SLC1A7: variants seen among roughly 807,000 people sequenced by gnomAD.
SLC1A7 encodes the protein solute carrier family 1 member 7.
Under a neutral mutation model 47.7 loss-of-function variants are expected in SLC1A7, and 40 were observed. The observed-to-expected ratio is 0.84, with a 90% CI of 0.65 to 1.09. The LOEUF (loss-of-function observed/expected upper bound fraction) is 1.09. SLC1A7 is among the 50% of genes least tolerant of loss of function. The probability of loss-of-function intolerance (pLI) is 0.00; values close to 1 mark genes in which losing one functional copy is unlikely to be tolerated. For synonymous variants in SLC1A7, 323 were observed against 325.6 expected, an observed-to-expected ratio of 0.99 and a Z score of 0.09; for missense variants, 746 against 769.5, an observed-to-expected ratio of 0.97 and a Z score of 0.36.
At chr1:53,093,352 G>T in intron 6 of SLC1A7, 109 bp downstream of exon 6, 1 of 912,004 alleles carries the variant, frequency 1.1e-6, no homozygotes, top group Non-Finnish European at 1.7e-6. Flanking sequence ...CCAGGGCTGA[G>T]CCTGGGCACA....
chr1:53,117,330 C>T (rs1644772952), intron 2 of SLC1A7, among the ~76,000 whole-genome samples: 1 of 152,174 alleles, frequency 6.6e-6, no homozygotes, highest in Admixed American at 6.5e-5. Flanking sequence ...CCTTGTGGCA[C>T]TTCAGCACAA....
At chr1:53,133,890 G>A (rs1279315565) in intron 2 of SLC1A7, among the ~76,000 whole-genome samples, 5 of 152,120 alleles carry the variant, frequency 3.3e-5, no homozygotes, top group African/African-American at 1.2e-4. Flanking sequence ...CTTCGAAGTA[G>A]GTGTTGTTAT....
Position 53,090,607 on chromosome 1 carries a change from T to A in SLC1A7, c.1226+5A>T, listed in dbSNP as rs1207300504. On this transcript the variant is annotated splice_donor_5th_base_variant and intron_variant, in intron 8 of 10. Coordinates refer to ENST00000371494, the MANE Select transcript of SLC1A7 (RefSeq NM_006671.6). ...CATCCACCCAGGTGCAGTGTCAGGGTGCACCTGATGGTGATGATCTGGCCA... is the reference window on the plus strand; with the variant it reads ...CATCCACCCAGGTGCAGTGTCAGGGAGCACCTGATGGTGATGATCTGGCCA... 6.4e-7 allele frequency: 1 copy of A among 1,573,784 alleles called. No homozygotes were observed. Among genetic ancestry groups the A allele is most frequent in the Non-Finnish European group, 8.7e-7 (1 of 1,155,316 alleles).
intron 2 of SLC1A7, among the ~76,000 whole-genome samples, chr1:53,125,356 G>A (rs1644871184): frequency 6.6e-6 from 1 of 152,222 alleles, no homozygotes; most frequent in African/African-American, 2.4e-5. Context: ...ACTGTCAGGG[G>A]AAGGGAGGAG....
chr1:53,122,291 G>C (rs968281683), intron 2 of SLC1A7, among the ~76,000 whole-genome samples: 1 of 152,164 alleles, frequency 6.6e-6, no homozygotes, highest in Non-Finnish European at 1.5e-5. Flanking sequence ...GGGAGGACCT[G>C]AGGGACAGTG....
At chr1:53,138,896 C>A (rs995573696) in intron 1 of SLC1A7, among the ~76,000 whole-genome samples, 2 of 152,000 alleles carry the variant, frequency 1.3e-5, no homozygotes, top group African/African-American at 4.8e-5. Flanking sequence ...TTTCACATCC[C>A]CTCTGTTGTA....
rs557525106 is a variant in SLC1A7 at position 53,110,386 on chromosome 1, G to C, written c.431+4372C>G. ...TCTCTGACCAAGAAACGGTGAGAGCGAGGCCCAACACCCAGCTTTGCAGAA... is the reference window on the plus strand; with the variant it reads ...TCTCTGACCAAGAAACGGTGAGAGCCAGGCCCAACACCCAGCTTTGCAGAA... On this transcript the variant is annotated intron_variant, in intron 3 of 10. Coordinates refer to ENST00000371494, the MANE Select transcript of SLC1A7 (RefSeq NM_006671.6). Among the ~76,000 whole-genome samples, 124 of 152,236 alleles carry C rather than the reference G, an allele frequency of 8.1e-4. 1 individual carries two copies. Among genetic ancestry groups the C allele is most frequent in the African/African-American group, 2.8e-3 (116 of 41,554 alleles).
At chr1:53,117,458 C>G (rs184839732) in intron 2 of SLC1A7, among the ~76,000 whole-genome samples, 8 of 152,264 alleles carry the variant, frequency 5.3e-5, no homozygotes, top group Non-Finnish European at 1.0e-4. Flanking sequence ...CTTGTAAGAT[C>G]AAAAACCTGA....
chr1:53,133,918 G>A (rs185793713), intron 2 of SLC1A7, among the ~76,000 whole-genome samples: 7 of 152,270 alleles, frequency 4.6e-5, no homozygotes, highest in East Asian at 3.9e-4. Flanking sequence ...TTACAGATGA[G>A]GAAACTGAGG....
chr1:53,134,968 T>G (rs1436727352), intron 1 of SLC1A7, among the ~76,000 whole-genome samples: 1 of 152,130 alleles, frequency 6.6e-6, no homozygotes, highest in Non-Finnish European at 1.5e-5. Flanking sequence ...TCACCCATTT[T>G]TCAGACCATC....
chr1:53,101,059 C>T (rs373700536), intron 5 of SLC1A7, among the ~76,000 whole-genome samples: 11 of 151,134 alleles, frequency 7.3e-5, no homozygotes, highest in East Asian at 3.9e-4. Flanking sequence ...AAACCCGCCT[C>T]GGTACACTCA....
At chr1:53,132,738 T>TG (rs34995823) in intron 2 of SLC1A7, among the ~76,000 whole-genome samples, 77,601 of 151,862 alleles carry the variant, frequency 0.51, 21,015 homozygotes, top group East Asian at 0.67. Flanking sequence ...CCCAGCTACT[T>TG]GGGGGGCTGA....
intron 1 of SLC1A7, 57 bp from the exon 2 acceptor site, chr1:53,134,486 C>A: frequency 8.8e-7 from 1 of 1,137,626 alleles, no homozygotes. Flanking sequence ...CACAGTGGTT[C>A]CGTTCTTCAC....
At chr1:53,094,778 T>C (rs1177146468) in intron 5 of SLC1A7, among the ~76,000 whole-genome samples, 1 of 152,190 alleles carries the variant, frequency 6.6e-6, no homozygotes, top group Non-Finnish European at 1.5e-5. Flanking sequence ...CTGCCCCTCC[T>C]CAGGCCCATT....
chr1:53,139,070 G>A (rs149769419), intron 1 of SLC1A7, among the ~76,000 whole-genome samples: 13 of 152,164 alleles, frequency 8.5e-5, no homozygotes, highest in South Asian at 2.1e-4. Context: ...TTCACATTAG[G>A]AGCCTCCTCA....
At chr1:53,099,292 T>TC (rs879569701) in intron 5 of SLC1A7, among the ~76,000 whole-genome samples, 8,099 of 20,690 alleles carry the variant, frequency 0.39, 1,309 homozygotes, top group Middle Eastern at 0.53. Context: ...TACACACACA[T>TC]ACCCCGCCTT....
At chr1:53,102,230 C>T (rs569118505) in intron 5 of SLC1A7, 1 of 152,420 alleles carries the variant, frequency 6.6e-6, no homozygotes, top group Admixed American at 6.5e-5. Flanking sequence ...GCTCCATTAC[C>T]CATTGTCACC....
chr1:53,142,556 G>T lies in SLC1A7; in HGVS notation c.-107C>A. On this transcript the variant is annotated 5_prime_UTR_variant, in exon 1 of 11. Coordinates refer to ENST00000371494, the MANE Select transcript of SLC1A7 (RefSeq NM_006671.6). ...GGCTCTAGCCCCTCAGCAGGCAGGTGGTCGGAGTTGCTAAACACCAGTCGC... is the reference window on the plus strand; with the variant it reads ...GGCTCTAGCCCCTCAGCAGGCAGGTTGTCGGAGTTGCTAAACACCAGTCGC... The T allele has an allele frequency of 7.5e-7, 1 of 1,335,584 alleles. No homozygotes were observed. The highest frequency in any genetic ancestry group is 1.0e-6 in the Non-Finnish European group (1 of 996,852). The allele number at this position is 1,335,584 out of a possible 1,614,324, so 82.7% of individuals were successfully genotyped here. A position where few individuals can be genotyped will look rare whatever the true frequency, so the allele number is the denominator to read the frequency against.
intron 9 of SLC1A7, among the ~76,000 whole-genome samples, chr1:53,089,256 TTTTGTTTG>T (rs145192147): frequency 3.4e-5 from 5 of 147,122 alleles, no homozygotes; most frequent in African/African-American, 1.2e-4. Context: ...TAGGTTTGTT[TTTTGTTTG>T]TTTGTTTGTT....
Sources: gnomAD v4.1 joint callset for allele counts (sites outside exome capture counted in the v4.1 genomes callset) on GRCh38, gnomAD v4.1.1 for gene constraint, MANE v1.5 for transcripts, NCBI Gene and HGNC (gene_info 2026-07-23, HGNC 2026-07-21) for gene names.